POU2F1: variants seen among roughly 807,000 people sequenced by gnomAD.
POU2F1 encodes the protein POU domain, class 2, transcription factor 1.
In POU2F1, 16 loss-of-function variants were observed where a neutral mutation model predicts 84.9. That is an observed-to-expected ratio of 0.19 (90% confidence interval 0.13 to 0.29). POU2F1 has a LOEUF of 0.29. POU2F1 is among the 10% of genes least tolerant of loss of function. The probability of loss-of-function intolerance (pLI) is 1.00; values close to 1 mark genes in which losing one functional copy is unlikely to be tolerated. For synonymous variants in POU2F1, 368 were observed against 368.3 expected, an observed-to-expected ratio of 1.00 and a Z score of 0.01; for missense variants, 738 against 942.6, an observed-to-expected ratio of 0.78 and a Z score of 2.84.
intron 1 of POU2F1, among the ~76,000 whole-genome samples, chr1:167,321,194 A>G (rs766719011): frequency 7.9e-5 from 12 of 152,212 alleles, no homozygotes; most frequent in African/African-American, 2.7e-4. Flanking sequence ...TAACACTGGG[A>G]AAATTTTTTA....
chr1:167,411,141 G>A (rs994740954), intron 13 of POU2F1, among the ~76,000 whole-genome samples: 5 of 151,758 alleles, frequency 3.3e-5, no homozygotes, highest in African/African-American at 1.2e-4. Context: ...CCAGGTTCAA[G>A]CGATTCTCCT....
At chr1:167,342,164 C>T (rs563144150) in intron 2 of POU2F1, among the ~76,000 whole-genome samples, 1 of 152,224 alleles carries the variant, frequency 6.6e-6, no homozygotes, top group Admixed American at 6.5e-5. Flanking sequence ...CATGGGTTTC[C>T]AGGCTTGAGG....
chr1:167,277,216 C>T (rs1652788364), intron 1 of POU2F1, among the ~76,000 whole-genome samples: 1 of 151,926 alleles, frequency 6.6e-6, no homozygotes, highest in African/African-American at 2.4e-5. Flanking sequence ...GCTTTGTCTA[C>T]TTTGGGTTTT....
chr1:167,399,426 C>A (rs1649038725), intron 12 of POU2F1, 61 bp downstream of exon 12: 4 of 1,363,312 alleles, frequency 2.9e-6, no homozygotes, highest in Middle Eastern at 1.9e-4. Context: ...TTACAAATGA[C>A]CTGTTAAATC....
chr1:167,222,995 A>G lies in POU2F1; in HGVS notation c.61+2037A>G, dbSNP rs182559910. Among the ~76,000 whole-genome samples the G allele has an allele frequency of 1.8e-4, 27 of 152,192 alleles. 1 individual carries two copies. Among genetic ancestry groups the G allele is most frequent in the Admixed American group, 1.6e-3 (24 of 15,294 alleles). On this transcript the variant is annotated intron_variant, in intron 1 of 15. Transcript: ENST00000367866. ...TCTAGGAGTTGTGGAGTAGCTAAAT[A>G]TTAGAAATTCCAATTAACAACAGTT...
intron 1 of POU2F1, among the ~76,000 whole-genome samples, chr1:167,236,248 G>A (rs897105477): frequency 1.2e-4 from 18 of 151,534 alleles, no homozygotes; most frequent in African/African-American, 4.1e-4. Context: ...GATTACAGGC[G>A]CCTGCCACCA....
chr1:167,305,096 C>T (rs1430699082), intron 1 of POU2F1, among the ~76,000 whole-genome samples: 1 of 152,152 alleles, frequency 6.6e-6, no homozygotes, highest in Non-Finnish European at 1.5e-5. Flanking sequence ...AAACCTGTCT[C>T]ATTCCCTGAA....
chr1:167,253,247 C>G (rs902498546), intron 1 of POU2F1, among the ~76,000 whole-genome samples: 1 of 152,080 alleles, frequency 6.6e-6, no homozygotes, highest in Non-Finnish European at 1.5e-5. Flanking sequence ...TTTCATCAGC[C>G]CAAGAGTTTG....
At chr1:167,246,892 A>G (rs1278697681) in intron 1 of POU2F1, among the ~76,000 whole-genome samples, 1 of 152,216 alleles carries the variant, frequency 6.6e-6, no homozygotes, top group East Asian at 1.9e-4. Context: ...ATCAAAATGA[A>G]ACTGACCCAG....
chr1:167,378,926 CTTTT>C (rs749278885), intron 7 of POU2F1, among the ~76,000 whole-genome samples: 1 of 138,414 alleles, frequency 7.2e-6, no homozygotes, highest in Admixed American at 7.3e-5. Flanking sequence ...CTAATTTTGA[CTTTT>C]TTTTTTTTTT....
chr1:167,373,438 G>T (rs1423851924), intron 5 of POU2F1, among the ~76,000 whole-genome samples: 4 of 152,144 alleles, frequency 2.6e-5, no homozygotes, highest in Non-Finnish European at 5.9e-5. Flanking sequence ...CCTTTGGCTG[G>T]AGCTTCTGTT....
chr1:167,390,171 G>A (rs1315163948), intron 9 of POU2F1, among the ~76,000 whole-genome samples: 1 of 152,152 alleles, frequency 6.6e-6, no homozygotes, highest in African/African-American at 2.4e-5. Context: ...GTCCAAAGAG[G>A]CTTCTAAGAT....
At chr1:167,294,982 A>T (rs190848888) in intron 1 of POU2F1, among the ~76,000 whole-genome samples, 2 of 152,122 alleles carry the variant, frequency 1.3e-5, no homozygotes, top group Non-Finnish European at 2.9e-5. Flanking sequence ...AAAAATACAA[A>T]AATTAGCCGG....
At chr1:167,389,054 G>T (rs1441992535) in intron 8 of POU2F1, among the ~76,000 whole-genome samples, 1 of 152,146 alleles carries the variant, frequency 6.6e-6, no homozygotes, top group Non-Finnish European at 1.5e-5. Context: ...GAAAAAACTG[G>T]AACAGATATA....
Position 167,374,306 on chromosome 1 carries a change from G to A in POU2F1, c.591+10G>A. On this transcript the variant is annotated intron_variant, in intron 6 of 15. Transcript: ENST00000367866. ...CATACAGATCGCACAGGTGAGTGAG[G>A]AACTCCAATAGCTGGGGCAGCAAGT... 6.4e-7 allele frequency: 1 copy of A among 1,556,426 alleles called. No individual in the cohort carries two copies. The highest frequency in any genetic ancestry group is 8.7e-7 in the Non-Finnish European group (1 of 1,152,030).
At chr1:167,385,412 C>T (rs1490988071) in intron 8 of POU2F1, among the ~76,000 whole-genome samples, 1 of 151,964 alleles carries the variant, frequency 6.6e-6, no homozygotes, top group Admixed American at 6.5e-5. Flanking sequence ...CTACTGATGT[C>T]AAGAATAATT....
chr1:167,269,376 A>G (rs1186586879), intron 1 of POU2F1, among the ~76,000 whole-genome samples: 2 of 152,218 alleles, frequency 1.3e-5, no homozygotes, highest in African/African-American at 4.8e-5. Flanking sequence ...CAGGTTAGCA[A>G]GTCTATTGAA....
At chr1:167,283,121 C>A (rs1019440259) in intron 1 of POU2F1, among the ~76,000 whole-genome samples, 1 of 152,148 alleles carries the variant, frequency 6.6e-6, no homozygotes. Context: ...CTTGTTTCTT[C>A]CTCTAGTACA....
chr1:167,367,133 A>G (rs1030296334), intron 3 of POU2F1, among the ~76,000 whole-genome samples: 2 of 152,168 alleles, frequency 1.3e-5, no homozygotes, highest in Admixed American at 1.3e-4. Flanking sequence ...TTGCGACACC[A>G]TTGAATCTCC....
Sources: gnomAD v4.1 joint callset for allele counts (sites outside exome capture counted in the v4.1 genomes callset) on GRCh38, gnomAD v4.1.1 for gene constraint, MANE v1.5 for transcripts, NCBI Gene and HGNC (gene_info 2026-07-23, HGNC 2026-07-21) for gene names.